Variants in ARHGAP18 observed in about 807,000 individuals in gnomAD.
The protein encoded by ARHGAP18 is Rho GTPase activating protein 18.
In ARHGAP18, 67 loss-of-function variants were observed where a neutral mutation model predicts 86.2. That is an observed-to-expected ratio of 0.78 (90% CI 0.64 to 0.95). The LOEUF (loss-of-function observed/expected upper bound fraction) is 0.95. ARHGAP18 is among the 40% of genes least tolerant of loss of function. ARHGAP18 has a pLI of 0.00. For missense variants in ARHGAP18, 691 were observed against 780.4 expected (o/e 0.89, Z 1.37); for synonymous variants, 283 against 280.4 (o/e 1.01, Z -0.09).
intron 1 of ARHGAP18, among the ~76,000 whole-genome samples, chr6:129,651,735 T>C (rs1235705909): frequency 6.6e-6 from 1 of 152,184 alleles, no homozygotes; most frequent in Admixed American, 6.5e-5. Flanking sequence ...TATCCACTCG[T>C]TCTCCAGTCA....
intron 13 of ARHGAP18, among the ~76,000 whole-genome samples, chr6:129,582,344 A>G (rs1048119016): frequency 6.6e-6 from 1 of 152,180 alleles, no homozygotes; most frequent in Non-Finnish European, 1.5e-5. Context: ...TCATAGTCTC[A>G]TATTATTAGC....
intron 2 of ARHGAP18, among the ~76,000 whole-genome samples, chr6:129,640,042 C>CAAAAAAAAA (rs374771260): frequency 6.9e-5 from 5 of 72,856 alleles, no homozygotes; most frequent in African/African-American, 2.4e-4. Flanking sequence ...GAGACTGTCT[C>CAAAAAAAAA]AAAAAAAAAA....
At position 129,605,976 on chromosome 6, in the gene ARHGAP18, T is replaced by C; in HGVS notation, c.1283-17A>G. 6.2e-7 allele frequency: 1 copy of C among 1,609,142 alleles called. No individual in the cohort carries two copies. Among genetic ancestry groups the C allele is most frequent in the South Asian group, 1.1e-5 (1 of 90,986 alleles). ...TTGGAAGATCTGCAGACAAATTAAA[T>C]AAATCTGAACTCTTTTCTTCAGTGA... On this transcript the variant is annotated splice_polypyrimidine_tract_variant and intron_variant, in intron 9 of 14. Coordinates refer to ENST00000368149, the MANE Select transcript of ARHGAP18 (RefSeq NM_033515.3).
At chr6:129,702,378 A>T (rs574396571) in intron 1 of ARHGAP18, among the ~76,000 whole-genome samples, 14 of 152,328 alleles carry the variant, frequency 9.2e-5, no homozygotes, top group African/African-American at 3.4e-4. Context: ...ACTCTCCTCA[A>T]ATAATGAGAG....
chr6:129,637,373 T>G (rs907389297), intron 3 of ARHGAP18, among the ~76,000 whole-genome samples: 1 of 152,200 alleles, frequency 6.6e-6, no homozygotes, highest in Non-Finnish European at 1.5e-5. Flanking sequence ...ATGCCTTCTC[T>G]GATACCTCCC....
Position 129,688,079 on chromosome 6 carries a change from C to G in ARHGAP18, c.113+21945G>C, listed in dbSNP as rs188834498. Among the ~76,000 whole-genome samples the G allele has an allele frequency of 2.9e-4, 44 of 152,246 alleles. No individual in the cohort carries two copies. In the Middle Eastern group the frequency reaches 0.014, roughly 47 times the overall value. On this transcript the variant is annotated intron_variant, in intron 1 of 14. Coordinates refer to ENST00000368149, the MANE Select transcript of ARHGAP18 (RefSeq NM_033515.3). ...AGCAGACATGGATGAAAAGAAATCC[C>G]AATTCTTCAGTCAAGATTGACCTTT...
Position 129,673,369 on chromosome 6 carries a change from G to T in ARHGAP18, c.114-31351C>A, listed in dbSNP as rs181112003. Among the ~76,000 whole-genome samples, 33 of 142,076 alleles carry T rather than the reference G, an allele frequency of 2.3e-4. 1 individual carries two copies. In the East Asian group the frequency reaches 6.0e-3, roughly 26 times the overall value. 93.2% of individuals were successfully genotyped at this position (142,076 alleles called of 152,430 possible). A position where few individuals can be genotyped will look rare whatever the true frequency, so the allele number is the denominator to read the frequency against. ...TAGTCATGCCAAAAAAAAAAAAAAAGTCTTAAATAGAGTAGCCAAATCAAT... is the reference window on the plus strand; with the variant it reads ...TAGTCATGCCAAAAAAAAAAAAAAATTCTTAAATAGAGTAGCCAAATCAAT... On this transcript the variant is annotated intron_variant, in intron 1 of 14. Coordinates refer to ENST00000368149, the MANE Select transcript of ARHGAP18 (RefSeq NM_033515.3).
At chr6:129,651,370 G>C (rs367811578) in intron 1 of ARHGAP18, among the ~76,000 whole-genome samples, 22 of 152,250 alleles carry the variant, frequency 1.4e-4, no homozygotes, top group Middle Eastern at 3.4e-3. Flanking sequence ...TTACAAACAA[G>C]TTTCGGCTCA....
At chr6:129,651,880 A>G (rs1773718575) in intron 1 of ARHGAP18, among the ~76,000 whole-genome samples, 2 of 137,528 alleles carry the variant, frequency 1.5e-5, no homozygotes, top group African/African-American at 5.5e-5. Flanking sequence ...AGGAGATGCT[A>G]TTAGAAAAAT....
chr6:129,621,826 A>C (rs1403029589), intron 5 of ARHGAP18, among the ~76,000 whole-genome samples: 1 of 152,216 alleles, frequency 6.6e-6, no homozygotes, highest in Non-Finnish European at 1.5e-5. Flanking sequence ...AATAAGAATT[A>C]TTACAGCATC....
At chr6:129,703,546 G>A (rs560725269) in intron 1 of ARHGAP18, among the ~76,000 whole-genome samples, 147 of 152,264 alleles carry the variant, frequency 9.7e-4, no homozygotes, top group African/African-American at 3.3e-3. Flanking sequence ...CCTTATATTC[G>A]AAAGGCATAA....
At chr6:129,631,040 A>AT (rs1773193091) in intron 4 of ARHGAP18, among the ~76,000 whole-genome samples, 1 of 152,140 alleles carries the variant, frequency 6.6e-6, no homozygotes, top group African/African-American at 2.4e-5. Flanking sequence ...TTGATGATTA[A>AT]TTTTTTAAAG....
intron 1 of ARHGAP18, among the ~76,000 whole-genome samples, chr6:129,652,444 T>C (rs892424170): frequency 6.6e-6 from 1 of 152,260 alleles, no homozygotes; most frequent in Non-Finnish European, 1.5e-5. Context: ...ATCTATCAAG[T>C]CCTGAAGACA....
chr6:129,609,005 G>GAA (rs75073976), intron 8 of ARHGAP18, among the ~76,000 whole-genome samples: 4 of 141,850 alleles, frequency 2.8e-5, no homozygotes, highest in Admixed American at 1.4e-4. Context: ...GGAGGAAGAG[G>GAA]AAAAAAAAAA....
intron 1 of ARHGAP18, among the ~76,000 whole-genome samples, chr6:129,684,540 T>A (rs976525692): frequency 6.6e-6 from 1 of 152,214 alleles, no homozygotes; most frequent in Non-Finnish European, 1.5e-5. Context: ...AGTTCCTAAG[T>A]GAACATGTTA....
At chr6:129,632,750 C>T (rs1773245839) in intron 4 of ARHGAP18, among the ~76,000 whole-genome samples, 1 of 152,142 alleles carries the variant, frequency 6.6e-6, no homozygotes, top group Non-Finnish European at 1.5e-5. Context: ...CATGTATATA[C>T]ATGTGCATGC....
intron 1 of ARHGAP18, among the ~76,000 whole-genome samples, chr6:129,705,902 T>G (rs530561041): frequency 6.6e-6 from 1 of 152,294 alleles, no homozygotes; most frequent in African/African-American, 2.4e-5. Context: ...CCAGACAGGT[T>G]GGCCCCAGAA....
At chr6:129,635,290 T>C (rs1458598732) in intron 3 of ARHGAP18, among the ~76,000 whole-genome samples, 1 of 152,186 alleles carries the variant, frequency 6.6e-6, no homozygotes, top group Admixed American at 6.5e-5. Flanking sequence ...ATCCTCCACC[T>C]GAAGTCTAAA....
At chr6:129,585,355 T>G (rs1788375930) in intron 12 of ARHGAP18, among the ~76,000 whole-genome samples, 1 of 152,170 alleles carries the variant, frequency 6.6e-6, no homozygotes, top group Non-Finnish European at 1.5e-5. Context: ...GCCACTAATT[T>G]GATTTCTTTC....
Sources: gnomAD v4.1 joint callset for allele counts (sites outside exome capture counted in the v4.1 genomes callset) on GRCh38, gnomAD v4.1.1 for gene constraint, MANE v1.5 for transcripts, NCBI Gene and HGNC (gene_info 2026-07-23, HGNC 2026-07-21) for gene names.